MRAP2: variants seen among roughly 807,000 people sequenced by gnomAD.
MRAP2 encodes melanocortin-2 receptor accessory protein 2.
In MRAP2, 20 loss-of-function variants were observed where a neutral mutation model predicts 17.4. That is an observed-to-expected ratio of 1.15 (90% CI 0.81 to 1.67). The LOEUF is 1.67. Among genes scored for constraint, MRAP2 ranks in the 40% most tolerant of loss-of-function variants. The pLI, the probability that MRAP2 is intolerant of heterozygous loss-of-function variation, is 0.00. For synonymous variants in MRAP2, 96 were observed against 88.4 expected, an observed-to-expected ratio of 1.09 and a Z score of -0.48; for missense variants, 238 against 240.0, an observed-to-expected ratio of 0.99 and a Z score of 0.05.
At chr6:84,034,430 G>C (rs2099485419) in intron 1 of MRAP2, among the ~76,000 whole-genome samples, 1 of 152,060 alleles carries the variant, frequency 6.6e-6, no homozygotes, top group African/African-American at 2.4e-5. Context: ...CGCAGGTCGT[G>C]TTACTGATTA....
At chr6:84,065,261 A>G (rs2099494359) in intron 3 of MRAP2, among the ~76,000 whole-genome samples, 1 of 151,656 alleles carries the variant, frequency 6.6e-6, no homozygotes, top group South Asian at 2.1e-4. Context: ...CTGTAGCCTA[A>G]ATGACAGAGT....
At chr6:84,072,975 T>C (rs1048047657) in intron 3 of MRAP2, among the ~76,000 whole-genome samples, 3 of 152,112 alleles carry the variant, frequency 2.0e-5, no homozygotes, top group Non-Finnish European at 4.4e-5. Context: ...CAGCCAGACT[T>C]GAGAACTTGC....
downstream of MRAP2, among the ~76,000 whole-genome samples, chr6:84,094,693 A>G (rs1341747700): frequency 6.6e-6 from 1 of 151,852 alleles, no homozygotes; most frequent in Non-Finnish European, 1.5e-5. Context: ...ATAGTTCATA[A>G]GATAATTTTT....
intron 1 of MRAP2, among the ~76,000 whole-genome samples, chr6:84,046,113 G>C (rs2099488954): frequency 6.6e-6 from 1 of 152,176 alleles, no homozygotes; most frequent in African/African-American, 2.4e-5. Context: ...TAGCCCTCCT[G>C]TCTTGCAGAG....
downstream of MRAP2, among the ~76,000 whole-genome samples, chr6:84,094,758 C>G (rs2099502371): frequency 6.6e-6 from 1 of 151,672 alleles, no homozygotes; most frequent in Non-Finnish European, 1.5e-5. Flanking sequence ...GTGGCGTGAT[C>G]TCGGCTCACT....
chr6:84,048,070 A>G (rs554857577), intron 1 of MRAP2, among the ~76,000 whole-genome samples: 1 of 152,326 alleles, frequency 6.6e-6, no homozygotes, highest in Non-Finnish European at 1.5e-5. Flanking sequence ...TAATACTGTT[A>G]TGAACATAGG....
rs758499303 is a variant in MRAP2 at position 84,089,447 on chromosome 6, C to T, written c.584C>T (p.Pro195Leu). 4 of 1,613,720 alleles carry T rather than the reference C, an allele frequency of 2.5e-6. No homozygotes were observed. The highest frequency in any genetic ancestry group is 3.4e-6 in the Non-Finnish European group (4 of 1,179,972). Reference sequence around the variant, plus strand: ...CCACCTATTGTTCTGGAAACTAAGCCACTTTCCCAGACCTCACACAAAGAC... The same window carrying T: ...CCACCTATTGTTCTGGAAACTAAGCTACTTTCCCAGACCTCACACAAAGAC... ...SEPPIVLETKPLSQTSHKDLD is the reference protein window; with the variant it reads ...SEPPIVLETKLLSQTSHKDLD The change falls in exon 4 of 4, where the codon CCA (proline) becomes CTA (leucine). Residue 195 changes from proline to leucine, a missense_variant. By Grantham distance (98) the Pro-to-Leu change is moderately conservative (BLOSUM62 -3). Transcript: ENST00000257776.
the MRAP2 span, among the ~76,000 whole-genome samples, chr6:84,134,241 C>T: frequency 7.2e-5 from 11 of 152,204 alleles, no homozygotes; most frequent in South Asian, 1.9e-3. Flanking sequence ...TCACTTCAGA[C>T]AGCTATGCTG....
At chr6:84,092,150 C>G (rs533487900), downstream of MRAP2, among the ~76,000 whole-genome samples, 18 of 152,310 alleles carry the variant, frequency 1.2e-4, 1 homozygote, top group South Asian at 3.5e-3. Context: ...TCCTGCTTCT[C>G]TCTTATAAGG....
At chr6:84,033,563 C>T, upstream of MRAP2, 2 of 556,610 alleles carry the variant, frequency 3.6e-6, no homozygotes, top group Non-Finnish European at 4.6e-6. Flanking sequence ...TTCTCTGACT[C>T]AGGCTCTGAC....
chr6:84,120,403 T>G, the MRAP2 span, among the ~76,000 whole-genome samples: 1 of 152,136 alleles, frequency 6.6e-6, no homozygotes, highest in Admixed American at 6.5e-5. Context: ...ACCATCACAC[T>G]AGGAGAAGAT....
At chr6:84,093,987 G>A (rs969740720), downstream of MRAP2, among the ~76,000 whole-genome samples, 3 of 152,132 alleles carry the variant, frequency 2.0e-5, no homozygotes, top group Non-Finnish European at 2.9e-5. Flanking sequence ...AACAGAAAAC[G>A]AACCAGCCTG....
At chr6:84,130,574 G>A in the MRAP2 span, among the ~76,000 whole-genome samples, 9 of 152,182 alleles carry the variant, frequency 5.9e-5, no homozygotes, top group South Asian at 2.1e-4. Context: ...CTTCTTCCTC[G>A]TTTAGACTTG....
In MRAP2 at chr6:84,084,310, C is replaced by T. The variant is rs139270729; in HGVS notation, c.228-4781C>T. 4.2e-3 allele frequency among the ~76,000 whole-genome samples: 637 copies of T among 152,150 alleles called. 9 individuals carry two copies. Among genetic ancestry groups the T allele is most frequent in the African/African-American group, 0.015 (606 of 41,510 alleles). ...TTTTTCCAGCTTTTTCTAGTCCCTCCGTAGTAGATAAAGCAATTTTTATGT... is the reference window on the plus strand; with the variant it reads ...TTTTTCCAGCTTTTTCTAGTCCCTCTGTAGTAGATAAAGCAATTTTTATGT... On this transcript the variant is annotated intron_variant, in intron 3 of 3. Transcript: ENST00000257776.
chr6:84,118,181 G>A, the MRAP2 span, among the ~76,000 whole-genome samples: 11 of 152,012 alleles, frequency 7.2e-5, no homozygotes, highest in Non-Finnish European at 1.3e-4. Context: ...AACATGGGTG[G>A]GGGTGGCTGG....
At chr6:84,105,515 T>A in the MRAP2 span, among the ~76,000 whole-genome samples, 1 of 152,178 alleles carries the variant, frequency 6.6e-6, no homozygotes, top group East Asian at 1.9e-4. Flanking sequence ...CTTGCCCCCA[T>A]GATTCACTTA....
At chr6:84,094,712 A>G (rs2129177853), downstream of MRAP2, among the ~76,000 whole-genome samples, 1 of 150,762 alleles carries the variant, frequency 6.6e-6, no homozygotes, top group East Asian at 1.9e-4. Flanking sequence ...TTTTTTTTTG[A>G]CATGGAGTCT....
At chr6:84,122,004 A>AT in the MRAP2 span, among the ~76,000 whole-genome samples, 66 of 152,196 alleles carry the variant, frequency 4.3e-4, no homozygotes, top group Non-Finnish European at 7.6e-4. Context: ...AAGTTGGTTC[A>AT]TTGAAAGAGT....
chr6:84,033,758 C>T (rs555702572), upstream of MRAP2: 4 of 985,806 alleles, frequency 4.1e-6, no homozygotes, highest in African/African-American at 7.0e-5. Flanking sequence ...CGCCGCACCT[C>T]GGATCTAGGA....
Sources: allele counts gnomAD v4.1 joint callset (sites outside exome capture counted in the v4.1 genomes callset), GRCh38; gene constraint gnomAD v4.1.1; transcripts MANE v1.5; gene names NCBI Gene and HGNC (gene_info 2026-07-23, HGNC 2026-07-21).